ATXN7: variants seen among roughly 807,000 people sequenced by gnomAD.
ATXN7 encodes the protein ataxin-7.
In ATXN7, 12 loss-of-function variants were observed where a neutral mutation model predicts 70.5. That is an observed-to-expected ratio of 0.17 (90% CI 0.11 to 0.28). ATXN7 has a LOEUF of 0.28. Among genes scored for constraint, ATXN7 ranks in the 10% least tolerant of loss-of-function variants. The pLI, the probability that ATXN7 is intolerant of heterozygous loss-of-function variation, is 1.00. For synonymous variants in ATXN7, 498 were observed against 448.7 expected, an observed-to-expected ratio of 1.11 and a Z score of -1.39; for missense variants, 1,256 against 1,131.7, an observed-to-expected ratio of 1.11 and a Z score of -1.58.
At position 64,000,471 on chromosome 3, in the gene ATXN7, T is replaced by G. The variant is rs1210384211; in HGVS notation, c.*1004T>G. 3 of 152,604 alleles carry G rather than the reference T, an allele frequency of 2.0e-5. 1 individual carries two copies. Among genetic ancestry groups the G allele is most frequent in the Non-Finnish European group, 4.4e-5 (3 of 68,044 alleles). The allele number at this position is 152,604 out of a possible 1,614,324, so 9.5% of individuals were successfully genotyped here. On this transcript the variant is annotated 3_prime_UTR_variant, in exon 13 of 13. Coordinates refer to ENST00000674280, the MANE Select transcript of ATXN7 (RefSeq NM_001377405.1). ...TTAAAGTGACATTATTAGATACACT[T>G]AAATGTTTCCAAGGCACTCTCTACA... is the stretch of plus-strand genomic sequence containing the variant.
chr3:63,975,799 C>G (rs1457588527), intron 5 of ATXN7, among the ~76,000 whole-genome samples: 1 of 152,208 alleles, frequency 6.6e-6, no homozygotes, highest in East Asian at 1.9e-4. Flanking sequence ...ATGTGACGTA[C>G]TGAAGCCACA....
chr3:63,936,181 G>C (rs2074658985), intron 4 of ATXN7, among the ~76,000 whole-genome samples: 2 of 152,164 alleles, frequency 1.3e-5, no homozygotes, highest in African/African-American at 4.8e-5. Flanking sequence ...CCCTTATTCA[G>C]TCTCAATTCC....
At chr3:63,887,024 A>G (rs1703107866) in intron 1 of ATXN7, among the ~76,000 whole-genome samples, 1 of 152,054 alleles carries the variant, frequency 6.6e-6, no homozygotes, top group African/African-American at 2.4e-5. Flanking sequence ...TCATCTTCCC[A>G]CTCCCATGAA....
intron 4 of ATXN7, among the ~76,000 whole-genome samples, chr3:63,923,898 G>A (rs903259621): frequency 6.6e-6 from 1 of 152,166 alleles, no homozygotes; most frequent in African/African-American, 2.4e-5. Context: ...AGGTTAGACT[G>A]TAGAGGCCAA....
At chr3:63,879,812 G>A (rs1210489161) in intron 1 of ATXN7, among the ~76,000 whole-genome samples, 2 of 152,054 alleles carry the variant, frequency 1.3e-5, no homozygotes, top group Non-Finnish European at 2.9e-5. Flanking sequence ...GGCCAGTCGC[G>A]GTGGCTCATG....
At chr3:63,973,682 T>G (rs1226480914) in intron 5 of ATXN7, among the ~76,000 whole-genome samples, 1 of 152,008 alleles carries the variant, frequency 6.6e-6, no homozygotes, top group Admixed American at 6.6e-5. Context: ...CCAAGAAGAA[T>G]GAGGATACGT....
In ATXN7 at chr3:63,995,707, C is replaced by T. The variant is rs2075746544; in HGVS notation, c.1885C>T (p.Pro629Ser). 1.9e-6 allele frequency: 3 copies of T among 1,614,116 alleles called. No homozygotes were observed. The highest frequency in any genetic ancestry group is 2.2e-5 in the South Asian group (2 of 91,086). The change falls in exon 12 of 13, where the codon CCT (proline) becomes TCT (serine). Residue 629 changes from proline (P) to serine (S), a missense_variant. Coordinates refer to ENST00000674280, the MANE Select transcript of ATXN7 (RefSeq NM_001377405.1). Reference protein sequence around the residue: ...PAHGTTLNAQPAASGAMDPVC... With the variant: ...PAHGTTLNAQSAASGAMDPVC... ...TCATGGAACCACACTAAATGCACAG[C>T]CTGCTGCTTCAGGGGCGATGGATCC...
chr3:63,952,683 G>T (rs1559644071), intron 5 of ATXN7, among the ~76,000 whole-genome samples, 200 bp downstream of exon 5: 2 of 151,822 alleles, frequency 1.3e-5, no homozygotes, highest in African/African-American at 2.4e-5. Context: ...GGAATTTTTT[G>T]ACTTTTATTG....
At chr3:63,958,235 A>G (rs115121180) in intron 5 of ATXN7, among the ~76,000 whole-genome samples, 213 of 152,334 alleles carry the variant, frequency 1.4e-3, no homozygotes, top group Non-Finnish European at 2.3e-3. Context: ...CTTGATATGC[A>G]TTGAGGTGGT....
At chr3:63,913,710 T>G (rs1704150713) in intron 4 of ATXN7, among the ~76,000 whole-genome samples, 2 of 152,214 alleles carry the variant, frequency 1.3e-5, no homozygotes, top group Admixed American at 6.5e-5. Context: ...TAACCCGGAG[T>G]GCATTTTGGT....
intron 4 of ATXN7, among the ~76,000 whole-genome samples, chr3:63,932,536 A>G (rs2074566867): frequency 6.6e-6 from 1 of 152,144 alleles, no homozygotes. Context: ...TTTTTAAATG[A>G]CTTCATTGAT....
chr3:63,889,850 C>T (rs752221062), intron 1 of ATXN7, among the ~76,000 whole-genome samples: 1 of 152,264 alleles, frequency 6.6e-6, no homozygotes, highest in East Asian at 1.9e-4. Flanking sequence ...TTTTGTTTGG[C>T]CCTAGCTCCT....
At position 63,912,868 on chromosome 3, in the gene ATXN7, G is replaced by C; in HGVS notation, c.270G>C (p.Met90Ile). The C allele has an allele frequency of 6.2e-7, 1 of 1,613,442 alleles. No individual in the cohort carries two copies. Among genetic ancestry groups the C allele is most frequent in the Non-Finnish European group, 8.5e-7 (1 of 1,179,762 alleles). ...GGCCTCTGCCCAGTCCTGAAGTGAT[G>C]CTGGGACAGTCGTGGAATCTGTGGG... is the stretch of plus-strand genomic sequence containing the variant. ...ERRPLPSPEV[M>I]LGQSWNLWVE... Residue 90 changes from methionine to isoleucine, a missense_variant, in exon 3 of 13, where the codon ATG becomes ATC. Physicochemically the swap from Met to Ile is conservative, Grantham distance 10. Coordinates refer to ENST00000674280, the MANE Select transcript of ATXN7 (RefSeq NM_001377405.1).
rs533743131 is a variant in ATXN7 at position 63,916,650 on chromosome 3, T to C, written c.394+3425T>C. Among the ~76,000 whole-genome samples, 9 of 151,936 alleles carry C rather than the reference T, an allele frequency of 5.9e-5. No individual in the cohort carries two copies. The South Asian group carries it at 2.0e-3, about 33-fold the overall frequency. On this transcript the variant is annotated intron_variant, in intron 4 of 12. Transcript: ENST00000674280. The stretch of plus-strand genomic sequence containing the variant: ...AGGCAAGAATACCCAAGGGTTAATG[T>C]TGTGGCAGAAGGTTAGAACTCTTGA...
intron 5 of ATXN7, among the ~76,000 whole-genome samples, chr3:63,952,831 G>C (rs944090107): frequency 2.3e-5 from 2 of 88,104 alleles, no homozygotes; most frequent in Non-Finnish European, 4.2e-5. Context: ...ATGGATGCAT[G>C]GGCCTTTTTT....
chr3:63,985,328 C>A (rs557508521), intron 8 of ATXN7, among the ~76,000 whole-genome samples: 36 of 152,270 alleles, frequency 2.4e-4, no homozygotes, highest in African/African-American at 8.7e-4. Context: ...TGTCATTACT[C>A]TCCGTGGCAT....
intron 5 of ATXN7, among the ~76,000 whole-genome samples, chr3:63,959,250 G>T (rs890546552): frequency 7.2e-5 from 11 of 152,102 alleles, no homozygotes; most frequent in Non-Finnish European, 1.2e-4. Flanking sequence ...GTTTATTTCT[G>T]CAGTCAGTAT....
intron 11 of ATXN7, among the ~76,000 whole-genome samples, chr3:63,991,227 A>C (rs1185599626): frequency 6.6e-6 from 1 of 152,048 alleles, no homozygotes; most frequent in Non-Finnish European, 1.5e-5. Context: ...CTATACACCA[A>C]ACAACTTAAA....
chr3:63,982,816 G>T, intron 7 of ATXN7, 123 bp from the exon 8 acceptor site: 2 of 754,040 alleles, frequency 2.7e-6, no homozygotes, highest in Admixed American at 2.5e-5. Flanking sequence ...TTATTTTATT[G>T]ATAATGTGGC....
Sources: gnomAD v4.1 joint callset for allele counts (sites outside exome capture counted in the v4.1 genomes callset) on GRCh38, gnomAD v4.1.1 for gene constraint, MANE v1.5 for transcripts, NCBI Gene and HGNC (gene_info 2026-07-23, HGNC 2026-07-21) for gene names.